IGF2BP2: variants seen among roughly 807,000 people sequenced by gnomAD.
IGF2BP2 encodes the protein insulin-like growth factor 2 mRNA-binding protein 2.
Under a neutral mutation model 75.8 loss-of-function variants are expected in IGF2BP2, and 17 were observed. The ratio of observed to expected loss-of-function variants is 0.22; its 90% CI spans 0.15 to 0.34. The LOEUF (loss-of-function observed/expected upper bound fraction) is 0.34. IGF2BP2 is among the 10% of genes least tolerant of loss of function. The probability of loss-of-function intolerance (pLI) is 1.00; values close to 1 mark genes in which losing one functional copy is unlikely to be tolerated. For missense variants in IGF2BP2, 516 were observed against 772.4 expected (o/e 0.67, Z 3.93); for synonymous variants, 288 against 295.6 (o/e 0.97, Z 0.26).
At chr3:185,795,058 C>T (rs1404379483) in intron 2 of IGF2BP2, among the ~76,000 whole-genome samples, 3 of 152,162 alleles carry the variant, frequency 2.0e-5, no homozygotes, top group South Asian at 2.1e-4. Context: ...CCACCTCGCC[C>T]GGCTACTTTT....
chr3:185,690,749 C>T (rs1455238907), intron 5 of IGF2BP2, among the ~76,000 whole-genome samples: 1 of 152,164 alleles, frequency 6.6e-6, no homozygotes, highest in Non-Finnish European at 1.5e-5. Flanking sequence ...CATTTGTGTC[C>T]TTGAATCTTC....
At chr3:185,743,760 G>C (rs1729882391) in intron 2 of IGF2BP2, among the ~76,000 whole-genome samples, 1 of 152,114 alleles carries the variant, frequency 6.6e-6, no homozygotes, top group Non-Finnish European at 1.5e-5. Flanking sequence ...TAAAAGACTA[G>C]ATAATTCAAT....
At chr3:185,804,213 G>A (rs141286419) in intron 2 of IGF2BP2, among the ~76,000 whole-genome samples, 369 of 145,956 alleles carry the variant, frequency 2.5e-3, no homozygotes, top group African/African-American at 8.8e-3. Context: ...CCGAGATGGC[G>A]CCATTGTACT....
intron 5 of IGF2BP2, among the ~76,000 whole-genome samples, chr3:185,689,980 AAAAAG>A (rs1721727631): frequency 2.0e-5 from 3 of 152,042 alleles, no homozygotes; most frequent in African/African-American, 7.2e-5. Context: ...AAAAAAAAAA[AAAAAG>A]AAAGACCCTC....
intron 3 of IGF2BP2, 137 bp downstream of exon 3, chr3:185,698,162 T>C (rs1722824183): frequency 1.5e-6 from 1 of 687,692 alleles, no homozygotes; most frequent in South Asian, 1.8e-5. Flanking sequence ...ATCACATACA[T>C]TAGGGTACTG....
intron 11 of IGF2BP2, 51 bp downstream of exon 11, chr3:185,658,290 G>T: frequency 6.5e-7 from 1 of 1,540,442 alleles, no homozygotes; most frequent in Non-Finnish European, 9.0e-7. Flanking sequence ...GGCCAAGTGG[G>T]CCTAGCCCCA....
intron 2 of IGF2BP2, among the ~76,000 whole-genome samples, chr3:185,731,396 G>GC (rs1405282719): frequency 6.6e-6 from 1 of 151,898 alleles, no homozygotes; most frequent in Non-Finnish European, 1.5e-5. Flanking sequence ...ACAGGCATGT[G>GC]CCACCACTCC....
chr3:185,751,155 G>A (rs1348231023), intron 2 of IGF2BP2, among the ~76,000 whole-genome samples: 14 of 152,252 alleles, frequency 9.2e-5, no homozygotes, highest in Non-Finnish European at 2.1e-4. Context: ...AGAGGTTGCA[G>A]TGAGTGGAGA....
At chr3:185,819,180 C>T (rs1741010409) in intron 2 of IGF2BP2, among the ~76,000 whole-genome samples, 1 of 151,950 alleles carries the variant, frequency 6.6e-6, no homozygotes, top group African/African-American at 2.4e-5. Context: ...TATACCTGGC[C>T]ATAAGTATAA....
At chr3:185,654,107 A>C (rs1175853622) in intron 12 of IGF2BP2, among the ~76,000 whole-genome samples, 1 of 152,104 alleles carries the variant, frequency 6.6e-6, no homozygotes, top group Non-Finnish European at 1.5e-5. Flanking sequence ...CTCTGGAAGG[A>C]GGGGCCCCTT....
At chr3:185,665,600 GGAAGAAGA>G (rs1183360751) in intron 10 of IGF2BP2, among the ~76,000 whole-genome samples, 3 of 100,354 alleles carry the variant, frequency 3.0e-5, no homozygotes, top group Admixed American at 9.3e-5. Context: ...AAGAAGAAAA[GGAAGAAGA>G]AGGAGGAGGA....
At position 185,776,707 on chromosome 3, in the gene IGF2BP2, C is replaced by CCA. The variant is rs1177037995; in HGVS notation, c.239+46444_239+46445dup. On this transcript the variant is annotated intron_variant, in intron 2 of 15. Transcript: ENST00000382199. ...GGGAGTTGAAGGTAACGAAGATGGA[C>CCA]CACCCCAGGAGATAAGAGTGCAAGG... 5.3e-5 allele frequency among the ~76,000 whole-genome samples: 8 copies of CCA among 152,222 alleles called. No homozygotes were observed. The East Asian group carries it at 1.3e-3, about 26-fold the overall frequency.
At chr3:185,804,764 C>T (rs763043234) in intron 2 of IGF2BP2, among the ~76,000 whole-genome samples, 4 of 151,636 alleles carry the variant, frequency 2.6e-5, no homozygotes, top group East Asian at 1.9e-4. Context: ...CGGAGGTGGG[C>T]GGATCATGAG....
intron 2 of IGF2BP2, among the ~76,000 whole-genome samples, chr3:185,800,275 C>T (rs921289134): frequency 7.9e-5 from 12 of 151,822 alleles, no homozygotes; most frequent in East Asian, 1.9e-4. Context: ...CGGGGCCTGT[C>T]GGAGAGTGGG....
chr3:185,654,390 T>C (rs1715093297), intron 12 of IGF2BP2, among the ~76,000 whole-genome samples: 1 of 152,190 alleles, frequency 6.6e-6, no homozygotes, highest in South Asian at 2.1e-4. Context: ...CTGGTCCTTA[T>C]CTCTGAGTAA....
At chr3:185,659,203 G>A (rs761486000) in intron 10 of IGF2BP2, among the ~76,000 whole-genome samples, 9 of 151,770 alleles carry the variant, frequency 5.9e-5, no homozygotes, top group South Asian at 2.1e-4. Context: ...ATGCCTGGGC[G>A]ACAGAGCAAG....
intron 3 of IGF2BP2, 111 bp from the exon 4 acceptor site, chr3:185,696,774 G>C: frequency 1.2e-6 from 1 of 869,016 alleles, no homozygotes; most frequent in Admixed American, 2.1e-5. Context: ...GATGGTTATA[G>C]GAATAATCTA....
intron 6 of IGF2BP2, chr3:185,689,037 T>C (rs1471288472): frequency 4.0e-6 from 1 of 248,072 alleles, no homozygotes; most frequent in East Asian, 9.8e-5. Flanking sequence ...GAGTGGGTTC[T>C]AGGATCCCGC....
At chr3:185,791,310 G>A (rs926014726) in intron 2 of IGF2BP2, among the ~76,000 whole-genome samples, 2 of 152,218 alleles carry the variant, frequency 1.3e-5, no homozygotes, top group African/African-American at 2.4e-5. Flanking sequence ...ATAAATTCTT[G>A]AGTTTCACAT....
Sources: gnomAD v4.1 joint callset for allele counts (sites outside exome capture counted in the v4.1 genomes callset) on GRCh38, gnomAD v4.1.1 for gene constraint, MANE v1.5 for transcripts, NCBI Gene and HGNC (gene_info 2026-07-23, HGNC 2026-07-21) for gene names.